The following LRGUK variants were observed in gnomAD, a reference collection of about 807,000 sequenced individuals.
LRGUK encodes the protein leucine rich repeats and guanylate kinase domain containing.
Under a neutral mutation model 76.0 loss-of-function variants are expected in LRGUK, and 65 were observed. That is an observed-to-expected ratio of 0.85 (90% CI 0.70 to 1.05). The LOEUF is 1.05. LRGUK is among the 50% of genes least tolerant of loss of function. The pLI, the probability that LRGUK is intolerant of heterozygous loss-of-function variation, is 0.00. For synonymous variants in LRGUK, 268 were observed against 265.6 expected (o/e 1.01, Z -0.09); for missense variants, 758 against 732.8 (o/e 1.03, Z -0.40).
intron 16 of LRGUK, among the ~76,000 whole-genome samples, chr7:134,224,095 T>C (rs1264536628): frequency 6.6e-6 from 1 of 152,210 alleles, no homozygotes; most frequent in East Asian, 1.9e-4. Flanking sequence ...CTCCTGCCCT[T>C]GGTATTCCAG....
downstream of LRGUK, among the ~76,000 whole-genome samples, chr7:134,267,264 G>T (rs1340537057): frequency 1.3e-5 from 2 of 152,184 alleles, no homozygotes; most frequent in Non-Finnish European, 2.9e-5. Context: ...CCTGTCCTTT[G>T]TAACTACATG....
chr7:134,263,891 C>T (rs756884792), exon 20 of LRGUK: 1 of 1,612,368 alleles, frequency 6.2e-7, no homozygotes, highest in Admixed American at 1.7e-5. Flanking sequence ...CTCACCAACA[C>T]AGACAACACT....
At chr7:134,255,329 A>G (rs1802550558) in intron 18 of LRGUK, among the ~76,000 whole-genome samples, 3 of 152,124 alleles carry the variant, frequency 2.0e-5, no homozygotes, top group Admixed American at 1.3e-4. Context: ...AAAATGTGAC[A>G]ACTGAGGCAA....
At chr7:134,193,547 T>A (rs918278730) in intron 12 of LRGUK, among the ~76,000 whole-genome samples, 1 of 152,214 alleles carries the variant, frequency 6.6e-6, no homozygotes, top group East Asian at 1.9e-4. Flanking sequence ...TTACTACCTC[T>A]ACAGAAATCC....
chr7:134,251,027 GA>G (rs1802430351), intron 18 of LRGUK, among the ~76,000 whole-genome samples: 1 of 152,136 alleles, frequency 6.6e-6, no homozygotes, highest in East Asian at 1.9e-4. Context: ...CTTGCTCTGT[GA>G]TGCCTTTTTT....
Position 134,221,947 on chromosome 7 carries a change from A to G in LRGUK, c.1983+29A>G, listed in dbSNP as rs771036717. 3 of 1,560,212 alleles carry G rather than the reference A, an allele frequency of 1.9e-6. No homozygotes were observed. The South Asian group carries it at 3.7e-5, about 19-fold the overall frequency. On this transcript the variant is annotated intron_variant, in intron 16 of 19. Coordinates refer to the LRGUK transcript ENST00000285928. ...AGAGAGGAATAGAAGGGGTGAAGCC[A>G]CAACTGAGCTCTATACAATGTCAGA...
chr7:134,211,264 G>C (rs1801256120), downstream of LRGUK, among the ~76,000 whole-genome samples: 1 of 152,228 alleles, frequency 6.6e-6, no homozygotes, highest in African/African-American at 2.4e-5. Context: ...TGGAAGGCTG[G>C]TGTCAGCAAG....
At chr7:134,198,088 GT>G (rs5887666) in intron 13 of LRGUK, among the ~76,000 whole-genome samples, 121,985 of 151,682 alleles carry the variant, frequency 0.8, 50,381 homozygotes, top group Non-Finnish European at 0.91. Context: ...TGGTATAAGT[GT>G]TTCTTAGCTT....
exon 20 of LRGUK, chr7:134,263,974 A>G: frequency 6.2e-7 from 1 of 1,606,592 alleles, no homozygotes; most frequent in African/African-American, 1.3e-5. Context: ...GGCCGCAGGT[A>G]GACTAGCACT....
intron 14 of LRGUK, 66 bp from the exon 15 acceptor site, chr7:134,201,415 G>T (rs780375543): frequency 6.7e-6 from 8 of 1,201,702 alleles, no homozygotes; most frequent in Non-Finnish European, 9.8e-6. Context: ...CATTACCACC[G>T]ATAGTTGAAC....
At chr7:134,145,322 A>G (rs538781003) in intron 4 of LRGUK, among the ~76,000 whole-genome samples, 1 of 151,848 alleles carries the variant, frequency 6.6e-6, no homozygotes, top group African/African-American at 2.4e-5. Context: ...ATCTCGGCTC[A>G]CCGCAACCTC....
intron 14 of LRGUK, 47 bp downstream of exon 14, chr7:134,199,468 G>A (rs367598842): frequency 6.6e-7 from 1 of 1,514,828 alleles, no homozygotes; most frequent in Non-Finnish European, 9.1e-7. Flanking sequence ...TAAGATTACT[G>A]AATTAAAAGT....
At position 134,175,934 on chromosome 7, in the gene LRGUK, AAAT is replaced by A. The variant is rs376135295; in HGVS notation, c.1021-1037_1021-1035del. Among the ~76,000 whole-genome samples, 14 of 152,324 alleles carry A rather than the reference AAAT, an allele frequency of 9.2e-5. No individual in the cohort carries two copies. The East Asian group carries it at 1.3e-3, about 15-fold the overall frequency. ...CAAATTAATACGAAATATTGCATATAAATAATAACAAAATAATATAAAATATTA... is the reference window on the plus strand; with the variant it reads ...CAAATTAATACGAAATATTGCATATAAATAACAAAATAATATAAAATATTA... On this transcript the variant is annotated intron_variant, in intron 8 of 15. Transcript: ENST00000645682.
chr7:134,199,625 G>T (rs1302618640), intron 14 of LRGUK, among the ~76,000 whole-genome samples: 2 of 152,028 alleles, frequency 1.3e-5, no homozygotes, highest in African/African-American at 2.4e-5. Context: ...TCTTAAGATT[G>T]TAGCTAATAA....
intron 13 of LRGUK, among the ~76,000 whole-genome samples, chr7:134,198,358 T>C (rs1474491482): frequency 6.6e-6 from 1 of 152,208 alleles, no homozygotes; most frequent in African/African-American, 2.4e-5. Context: ...CTCTTCCTCA[T>C]TTCCAGGAGG....
chr7:134,257,947 C>T (rs907185536), intron 18 of LRGUK, among the ~76,000 whole-genome samples: 4 of 152,168 alleles, frequency 2.6e-5, no homozygotes, highest in South Asian at 2.1e-4. Context: ...TTAGGATCTG[C>T]GCCTTATCTT....
chr7:134,219,282 T>C (rs1296212896), intron 15 of LRGUK, among the ~76,000 whole-genome samples: 2 of 152,188 alleles, frequency 1.3e-5, no homozygotes, highest in Non-Finnish European at 2.9e-5. Flanking sequence ...AGCGGCAGTA[T>C]TACAATGTAG....
At chr7:134,241,070 A>G (rs983561394) in intron 16 of LRGUK, among the ~76,000 whole-genome samples, 1 of 152,230 alleles carries the variant, frequency 6.6e-6, no homozygotes, top group Non-Finnish European at 1.5e-5. Context: ...AATGGAAAGG[A>G]ACAACCAGTA....
At chr7:134,227,705 G>A (rs183791700) in intron 16 of LRGUK, among the ~76,000 whole-genome samples, 252 of 152,190 alleles carry the variant, frequency 1.7e-3, no homozygotes, top group African/African-American at 5.8e-3. Flanking sequence ...AGCAAAAGTG[G>A]AGACAATAAA....
Sources: gnomAD v4.1 joint callset for allele counts (sites outside exome capture counted in the v4.1 genomes callset) on GRCh38, gnomAD v4.1.1 for gene constraint, MANE v1.5 for transcripts, NCBI Gene and HGNC (gene_info 2026-07-23, HGNC 2026-07-21) for gene names.